Variants in ACTR3C observed in about 807,000 individuals in gnomAD.
The protein encoded by ACTR3C is actin related protein 3C.
A neutral mutation model predicts 26.3 loss-of-function variants in ACTR3C; 18 were observed. That is an observed-to-expected ratio of 0.68 (90% confidence interval 0.47 to 1.01). ACTR3C has a LOEUF of 1.01. ACTR3C is among the 50% of genes least tolerant of loss of function. ACTR3C has a pLI of 0.00. For missense variants in ACTR3C, 184 were observed against 250.7 expected (o/e 0.73, Z 1.80); for synonymous variants, 55 against 94.5 (o/e 0.58, Z 2.42).
chr7:150,039,393 G>T, the ACTR3C span, among the ~76,000 whole-genome samples: 4 of 70,514 alleles, frequency 5.7e-5, no homozygotes, highest in East Asian at 4.6e-4. Context: ...TAAGAACCCG[G>T]GGGGGAAGAG....
At chr7:150,008,344 T>C in the ACTR3C span, among the ~76,000 whole-genome samples, 2 of 152,220 alleles carry the variant, frequency 1.3e-5, no homozygotes, top group Non-Finnish European at 2.9e-5. Flanking sequence ...CTGAGCCACA[T>C]CCTTCCAGAG....
the ACTR3C span, among the ~76,000 whole-genome samples, chr7:150,180,217 A>C: frequency 6.7e-6 from 1 of 149,986 alleles, no homozygotes; most frequent in South Asian, 2.1e-4. Flanking sequence ...AGGCGGGAGA[A>C]TGGCGTGAAC....
intron 6 of ACTR3C, chr7:150,264,599 T>C (rs1405921659): frequency 1.0e-6 from 1 of 975,832 alleles, no homozygotes; most frequent in East Asian, 1.1e-4. Flanking sequence ...TGTATATAAA[T>C]GTATATTAAA....
the ACTR3C span, among the ~76,000 whole-genome samples, chr7:150,201,746 GA>G: frequency 0.017 from 2,416 of 145,070 alleles, 69 homozygotes; most frequent in African/African-American, 0.058. Context: ...TGACAAGAGT[GA>G]ATCCAAAAAA....
chr7:150,096,325 C>T, the ACTR3C span, among the ~76,000 whole-genome samples: 10 of 151,158 alleles, frequency 6.6e-5, no homozygotes, highest in East Asian at 3.8e-4. Context: ...GTTCCTGACA[C>T]GAAGTGATTA....
chr7:150,313,073 A>G (rs1214848402), intron 1 of ACTR3C, among the ~76,000 whole-genome samples: 1 of 152,034 alleles, frequency 6.6e-6, no homozygotes, highest in African/African-American at 2.4e-5. Flanking sequence ...TCTCCCCACC[A>G]TGCACCCCGT....
the ACTR3C span, among the ~76,000 whole-genome samples, chr7:150,006,720 G>A: frequency 0.37 from 56,435 of 151,288 alleles, 10,680 homozygotes; most frequent in East Asian, 0.46. Context: ...CTCTGCAGGC[G>A]CCTCTATGGG....
At chr7:149,971,881 T>C in the ACTR3C span, among the ~76,000 whole-genome samples, 1 of 152,238 alleles carries the variant, frequency 6.6e-6, no homozygotes, top group Admixed American at 6.5e-5. Flanking sequence ...ATCTCAGCTG[T>C]TGGAACGTCA....
the ACTR3C span, among the ~76,000 whole-genome samples, chr7:150,135,920 T>A: frequency 1.3e-5 from 2 of 152,054 alleles, no homozygotes; most frequent in South Asian, 4.1e-4. Context: ...GAGAAGAATG[T>A]GGAGCATCAG....
chr7:150,252,135 T>C lies in ACTR3C; in HGVS notation c.565-3081A>G, dbSNP rs181692634. Among the ~76,000 whole-genome samples, 49 of 152,034 alleles carry C rather than the reference T, an allele frequency of 3.2e-4. No homozygotes were observed. In the East Asian group the frequency reaches 9.1e-3, roughly 28 times the overall value. On this transcript the variant is annotated intron_variant, in intron 6 of 7. Transcript: ENST00000683684. ...GTTTGTGTATGTGTCTGTGTGTGTG[T>C]GTGTGTGTGTGCATGTGTGTGTGTG...
chr7:149,889,780 T>C, the ACTR3C span, among the ~76,000 whole-genome samples: 38 of 152,156 alleles, frequency 2.5e-4, no homozygotes, highest in Middle Eastern at 6.8e-3. Context: ...ATCAACTGAG[T>C]CCAGAGTCCG....
intron 2 of ACTR3C, among the ~76,000 whole-genome samples, chr7:150,294,286 G>C (rs1260088370): frequency 6.6e-6 from 1 of 152,220 alleles, no homozygotes; most frequent in Admixed American, 6.5e-5. Flanking sequence ...ATGCCGCTAC[G>C]CTCCCCGCAA....
the ACTR3C span, among the ~76,000 whole-genome samples, chr7:150,090,803 T>C: frequency 2.0e-5 from 3 of 152,014 alleles, no homozygotes; most frequent in Non-Finnish European, 2.9e-5. Context: ...TCTGAGAACA[T>C]GGTTTCATAC....
chr7:150,128,756 T>C, the ACTR3C span, among the ~76,000 whole-genome samples: 2 of 151,898 alleles, frequency 1.3e-5, no homozygotes, highest in Non-Finnish European at 2.9e-5. Flanking sequence ...CTAGATTTAC[T>C]CTCCTTTCTA....
chr7:149,942,375 G>T, the ACTR3C span, among the ~76,000 whole-genome samples: 10 of 151,878 alleles, frequency 6.6e-5, no homozygotes, highest in African/African-American at 2.4e-4. Flanking sequence ...CTGTGAACAG[G>T]CTTCAGGGGT....
intron 6 of ACTR3C, among the ~76,000 whole-genome samples, chr7:150,256,848 T>C (rs1268338530): frequency 6.6e-6 from 1 of 152,158 alleles, no homozygotes; most frequent in Non-Finnish European, 1.5e-5. Flanking sequence ...TAGAGAACAT[T>C]CCACCCCAAA....
intron 2 of ACTR3C, among the ~76,000 whole-genome samples, chr7:150,294,123 C>G (rs1836530495): frequency 6.6e-6 from 1 of 152,078 alleles, no homozygotes; most frequent in Non-Finnish European, 1.5e-5. Flanking sequence ...GCCTCACACC[C>G]AGAAATTCTA....
the ACTR3C span, among the ~76,000 whole-genome samples, chr7:149,915,025 G>A: frequency 2.8e-4 from 43 of 151,992 alleles, no homozygotes; most frequent in Middle Eastern, 3.4e-3. Context: ...GACTACAGGC[G>A]TGTACCACCA....
At chr7:150,011,186 T>G in the ACTR3C span, among the ~76,000 whole-genome samples, 1 of 152,214 alleles carries the variant, frequency 6.6e-6, no homozygotes, top group African/African-American at 2.4e-5. Context: ...TCCAAGGTCT[T>G]TGGGAGAAAT....
Sources: allele counts gnomAD v4.1 joint callset (sites outside exome capture counted in the v4.1 genomes callset), GRCh38; gene constraint gnomAD v4.1.1; transcripts MANE v1.5; gene names NCBI Gene and HGNC (gene_info 2026-07-23, HGNC 2026-07-21).